The following TNN variants were observed in gnomAD, a reference collection of about 807,000 sequenced individuals.
The protein encoded by TNN is tenascin N.
In TNN, 122 loss-of-function variants were observed where a neutral mutation model predicts 134.4. That is an observed-to-expected ratio of 0.91 (90% CI 0.78 to 1.06). The LOEUF (loss-of-function observed/expected upper bound fraction) is 1.06. TNN is among the 50% of genes least tolerant of loss of function. The pLI, the probability that TNN is intolerant of heterozygous loss-of-function variation, is 0.00. For synonymous variants in TNN, 710 were observed against 670.3 expected, an observed-to-expected ratio of 1.06 and a Z score of -0.91; for missense variants, 1,739 against 1,699.4, an observed-to-expected ratio of 1.02 and a Z score of -0.41.
At chr1:175,122,431 T>C (rs1675403506) in intron 11 of TNN, among the ~76,000 whole-genome samples, 1 of 91,544 alleles carries the variant, frequency 1.1e-5, no homozygotes, top group Non-Finnish European at 2.5e-5. Flanking sequence ...GAAAGGGAGC[T>C]TTGGGTGCTC....
intron 9 of TNN, among the ~76,000 whole-genome samples, chr1:175,108,494 G>A (rs181450892): frequency 2.0e-4 from 30 of 152,362 alleles, no homozygotes; most frequent in African/African-American, 5.1e-4. Context: ...GGGACTGGGC[G>A]CCGTGGAGCA....
At chr1:175,110,168 G>A (rs931667343) in intron 9 of TNN, among the ~76,000 whole-genome samples, 3 of 152,296 alleles carry the variant, frequency 2.0e-5, no homozygotes, top group South Asian at 4.1e-4. Context: ...TTTGAGAAAT[G>A]TCTATTTAGA....
intron 7 of TNN, among the ~76,000 whole-genome samples, chr1:175,096,700 C>A (rs182915854): frequency 3.5e-4 from 53 of 152,344 alleles, no homozygotes; most frequent in African/African-American, 1.3e-3. Flanking sequence ...TATATTTAAG[C>A]ATTTGCTATG....
In TNN at chr1:175,085,508, G is replaced by T. The variant is rs560432837; in HGVS notation, c.1324+14G>T. ...ATGGCAGGACAGGTGAGAGCTACTT[G>T]GAGGCACTATGGGCATTTAATCATG... is the stretch of plus-strand genomic sequence containing the variant. On this transcript the variant is annotated intron_variant, in intron 6 of 18. Coordinates refer to ENST00000239462, the MANE Select transcript of TNN (RefSeq NM_022093.2). The T allele has an allele frequency of 3.2e-6, 5 of 1,561,752 alleles. No individual in the cohort carries two copies. In the African/African-American group the frequency reaches 6.8e-5, roughly 21 times the overall value.
chr1:175,125,619 C>G (rs1316363211), intron 12 of TNN, among the ~76,000 whole-genome samples: 1 of 148,124 alleles, frequency 6.8e-6, no homozygotes, highest in Non-Finnish European at 1.5e-5. Context: ...TTCTCTCTCT[C>G]TCTCCCTTTC....
chr1:175,084,756 G>C (rs1236168256), intron 5 of TNN, among the ~76,000 whole-genome samples: 1 of 152,160 alleles, frequency 6.6e-6, no homozygotes, highest in Non-Finnish European at 1.5e-5. Context: ...CTGTTTGTCT[G>C]CATTTTACCA....
In TNN at chr1:175,107,483, A is replaced by G. The variant is rs1291128317; in HGVS notation, c.2119+8888A>G. On this transcript the variant is annotated intron_variant, in intron 9 of 18. Transcript: ENST00000239462. ...ACGTCTGGAGTTGTTCGTTCCTCCC[A>G]GTGGGCTCATGGTCTTGCTGGGCTC... Among the ~76,000 whole-genome samples, 21 of 141,752 alleles carry G rather than the reference A, an allele frequency of 1.5e-4. 2 individuals carry two copies. The highest frequency in any genetic ancestry group is 2.4e-4 in the South Asian group (1 of 4,098). The allele number at this position is 141,752 out of a possible 152,430, so 93.0% of individuals were successfully genotyped here.
intron 12 of TNN, among the ~76,000 whole-genome samples, chr1:175,126,226 C>A (rs1304247202): frequency 1.3e-5 from 2 of 151,388 alleles, no homozygotes; most frequent in African/African-American, 4.9e-5. Context: ...CTCAGCCTCC[C>A]GAGTAGCTGG....
chr1:175,097,448 C>G lies in TNN; in HGVS notation c.1620C>G (p.Asp540Glu). Residue 540 changes from aspartate (D) to glutamate (E), a missense_variant, in exon 8 of 19, where the codon GAC (aspartate) becomes GAG (glutamate). Coordinates refer to ENST00000239462, the MANE Select transcript of TNN (RefSeq NM_022093.2). ...ACAGCCCAGCAAACCTGGTGACTGA[C>G]CGGGTGACTGAGAATACCGCCACCA... ...EIDSPANLVT[D>E]RVTENTATIS... 1.2e-6 allele frequency: 2 copies of G among 1,614,228 alleles called. No homozygotes were observed. Among genetic ancestry groups the G allele is most frequent in the Middle Eastern group, 1.6e-4 (1 of 6,062 alleles).
At position 175,102,620 on chromosome 1, in the gene TNN, C is replaced by A. The variant is rs375023711; in HGVS notation, c.2119+4025C>A. 2.3e-3 allele frequency among the ~76,000 whole-genome samples: 332 copies of A among 146,142 alleles called. 26 individuals carry two copies. Among genetic ancestry groups the A allele is most frequent in the African/African-American group, 7.6e-3 (309 of 40,750 alleles). On this transcript the variant is annotated intron_variant, in intron 9 of 18. Transcript: ENST00000239462. ...GTGCGGGGCCCTCCAAGCCCATGCC[C>A]ACCTAGAACTCCAGCTGGCCCGCAA...
chr1:175,127,170 C>A, intron 13 of TNN, 85 bp downstream of exon 13: 1 of 1,504,802 alleles, frequency 6.6e-7, no homozygotes, highest in South Asian at 1.3e-5. Flanking sequence ...ATTTGCTGGC[C>A]TCACGGCAAC....
intron 9 of TNN, among the ~76,000 whole-genome samples, chr1:175,113,439 G>T (rs1456196108): frequency 6.6e-6 from 1 of 152,098 alleles, no homozygotes; most frequent in East Asian, 1.9e-4. Flanking sequence ...TGTCTAATGG[G>T]ATTCCCTTAT....
chr1:175,116,100 G>T (rs1042320983), intron 9 of TNN, among the ~76,000 whole-genome samples: 3 of 152,050 alleles, frequency 2.0e-5, no homozygotes, highest in Non-Finnish European at 4.4e-5. Flanking sequence ...TGCAGAAGAT[G>T]AGTGTCAGGG....
chr1:175,128,545 C>T, intron 14 of TNN, 50 bp from the exon 15 acceptor site: 2 of 1,533,376 alleles, frequency 1.3e-6, no homozygotes, highest in Non-Finnish European at 8.8e-7. Flanking sequence ...AACTCCACCT[C>T]TTTCCTCCTT....
chr1:175,139,505 G>T (rs945622632), intron 17 of TNN, among the ~76,000 whole-genome samples: 4 of 152,064 alleles, frequency 2.6e-5, no homozygotes, highest in African/African-American at 9.7e-5. Context: ...ATCTTGTCCC[G>T]CTGGAAGGTC....
intron 9 of TNN, among the ~76,000 whole-genome samples, chr1:175,112,246 TA>T (rs148745557): frequency 0.053 from 8,102 of 152,190 alleles, 289 homozygotes; most frequent in African/African-American, 0.098. Flanking sequence ...ATTGAGATGA[TA>T]TTTTTTTTTA....
At chr1:175,134,374 G>A (rs542369782) in intron 15 of TNN, among the ~76,000 whole-genome samples, 19 of 151,896 alleles carry the variant, frequency 1.3e-4, no homozygotes, top group South Asian at 2.1e-4. Flanking sequence ...GTGAAACCCC[G>A]TCTCTACTGA....
chr1:175,089,236 A>C (rs1674385916), intron 6 of TNN, among the ~76,000 whole-genome samples: 1 of 152,222 alleles, frequency 6.6e-6, no homozygotes, highest in Non-Finnish European at 1.5e-5. Context: ...GGATGCTGGA[A>C]CTTAAGAACA....
chr1:175,144,522 G>A lies in TNN; in HGVS notation c.3731G>A (p.Gly1244Asp), dbSNP rs1157012108. 6.2e-7 allele frequency: 1 copy of A among 1,614,104 alleles called. No homozygotes were observed. Among genetic ancestry groups the A allele is most frequent in the East Asian group, 2.2e-5 (1 of 44,902 alleles). The change falls in exon 18 of 19, where the codon GGC becomes GAC. Residue 1244 changes from glycine (G) to aspartate (D), a missense_variant. Transcript: ENST00000239462. ...AACTGCCACTTGGCCAACCCTAATG[G>A]CAGATATGGGGAGACCAAGCACAGT... ...YKNCHLANPNGRYGETKHSEG... is the reference protein window; with the variant it reads ...YKNCHLANPNDRYGETKHSEG...
Sources: gnomAD v4.1 joint callset for allele counts (sites outside exome capture counted in the v4.1 genomes callset) on GRCh38, gnomAD v4.1.1 for gene constraint, MANE v1.5 for transcripts, NCBI Gene and HGNC (gene_info 2026-07-23, HGNC 2026-07-21) for gene names.